The following TRIP11 variants were observed in gnomAD, a reference collection of about 807,000 sequenced individuals.
TRIP11 encodes the protein thyroid hormone receptor interactor 11.
A neutral mutation model predicts 223.1 loss-of-function variants in TRIP11; 148 were observed. The observed-to-expected ratio is 0.66, with a 90% CI of 0.58 to 0.76. The LOEUF (loss-of-function observed/expected upper bound fraction) is 0.76. TRIP11 is among the 30% of genes least tolerant of loss of function. The probability of loss-of-function intolerance (pLI) is 0.00; values close to 1 mark genes in which losing one functional copy is unlikely to be tolerated. For synonymous variants in TRIP11, 762 were observed against 772.6 expected, an observed-to-expected ratio of 0.99 and a Z score of 0.23; for missense variants, 2,043 against 2,222.0, an observed-to-expected ratio of 0.92 and a Z score of 1.62.
At position 91,974,694 on chromosome 14, in the gene TRIP11, A is replaced by G. The variant is rs748263000; in HGVS notation, c.5507T>C (p.Leu1836Pro). 8.7e-6 allele frequency: 14 copies of G among 1,613,068 alleles called. No individual in the cohort carries two copies. Among genetic ancestry groups the G allele is most frequent in the Non-Finnish European group, 1.1e-5 (13 of 1,179,938 alleles). ...GGGAACACTTTTTGATCCTCCTCCA[A>G]GCCACCCAGTCATCCACCTGGTAAC... ...GGVTRWMTGW[L>P]GGGSKSVPNT... is the part of the protein sequence containing the mutation. The change falls in exon 19 of 21, where the codon CTT (leucine) becomes CCT (proline). Residue 1836 changes from leucine (L) to proline (P), a missense_variant. Transcript: ENST00000267622.
Position 92,033,210 on chromosome 14 carries a change from A to G in TRIP11, c.183T>C (p.His61=), listed in dbSNP as rs138904373. 191 of 1,613,262 alleles carry G rather than the reference A, an allele frequency of 1.2e-4. No homozygotes were observed. Among genetic ancestry groups the G allele is most frequent in the Admixed American group, 4.8e-4 (29 of 59,996 alleles). The change falls in exon 2 of 21, where the codon CAT becomes CAC. Residue 61 remains histidine (H), a synonymous_variant. Transcript: ENST00000267622. The part of the protein sequence containing the change: ...DSRTKEIEAI[H]AILRSENERL... ...TTCTTACCTCTGATCTCAAGATTGC[A>G]TGAATGGCTTCAATTTCCTTTGTCC...
Position 91,976,912 on chromosome 14 carries a change from A to G in TRIP11, c.5261-723T>C, listed in dbSNP as rs146521669. 7.9e-5 allele frequency among the ~76,000 whole-genome samples: 12 copies of G among 152,364 alleles called. No individual in the cohort carries two copies. The East Asian group carries it at 2.3e-3, about 29-fold the overall frequency. On this transcript the variant is annotated intron_variant, in intron 16 of 20. Coordinates refer to ENST00000267622, the MANE Select transcript of TRIP11 (RefSeq NM_004239.4). ...ACAACAGGAGATACCCTGTTCCTAA[A>G]TTCAGCCATGCCACAGGGCAAGGAT...
At chr14:91,977,127 T>G in intron 16 of TRIP11, 1 of 403,232 alleles carries the variant, frequency 2.5e-6, no homozygotes, top group South Asian at 1.8e-5. Flanking sequence ...GCCACAAACC[T>G]TTTCCTTTGA....
In TRIP11 at chr14:92,031,320, T is replaced by C. The variant is rs2057262773; in HGVS notation, c.201+1872A>G. On this transcript the variant is annotated intron_variant, in intron 2 of 20. Transcript: ENST00000267622. ...TTTTAGTAGAGACAGGGTTTCACCA[T>C]GTTGACCAAGCTGACCTCAAGTGAT... Among the ~76,000 whole-genome samples, 6 of 152,004 alleles carry C rather than the reference T, an allele frequency of 3.9e-5. No homozygotes were observed. In the South Asian group the frequency reaches 1.2e-3, roughly 32 times the overall value.
At position 91,999,199 on chromosome 14, in the gene TRIP11, A is replaced by G. The variant is rs2056789062; in HGVS notation, c.4892+41T>C. On this transcript the variant is annotated intron_variant, in intron 13 of 20. Coordinates refer to ENST00000267622, the MANE Select transcript of TRIP11 (RefSeq NM_004239.4). ...TACTTACTGAGTCTGATATTTAAGA[A>G]GTGTTCAGTTAAAGTTAATGCAAAA... is the stretch of plus-strand genomic sequence containing the variant. 4 of 1,591,386 alleles carry G rather than the reference A, an allele frequency of 2.5e-6. No individual in the cohort carries two copies. In the Admixed American group the frequency reaches 5.0e-5, roughly 20 times the overall value.
intron 5 of TRIP11, among the ~76,000 whole-genome samples, chr14:92,017,328 G>A (rs1325864286): frequency 6.6e-6 from 1 of 152,140 alleles, no homozygotes; most frequent in Admixed American, 6.5e-5. Flanking sequence ...GATGGCTTGA[G>A]GCTAGAAGTT....
chr14:92,035,240 G>C (rs1298453285), intron 1 of TRIP11, among the ~76,000 whole-genome samples: 1 of 151,720 alleles, frequency 6.6e-6, no homozygotes, highest in African/African-American at 2.4e-5. Context: ...GAAATTGCTT[G>C]AACTGGGGAG....
At position 91,972,995 on chromosome 14, in the gene TRIP11, CA is replaced by C. The variant is rs2056418118; in HGVS notation, c.5575-135del. On this transcript the variant is annotated intron_variant, in intron 19 of 20. Transcript: ENST00000267622. ...ACTTGAATAATTTTTTTTTACAAAT[CA>C]GCTTTATGAACAATTGAAAATACTG... 46 of 749,536 alleles carry C rather than the reference CA, an allele frequency of 6.1e-5. No homozygotes were observed. The South Asian group carries it at 9.7e-4, about 16-fold the overall frequency. The allele number at this position is 749,536 out of a possible 1,614,324, so 46.4% of individuals were successfully genotyped here.
chr14:92,005,110 G>C lies in TRIP11; in HGVS notation c.2866C>G (p.Gln956Glu). ...QHEQMNATHT[Q>E]LFLEKDEEIK... ...TCCTCATCCTTCTCTAAAAAGAGCT[G>C]GGTGTGTGTGGCGTTCATTTGCTCA... Residue 956 changes from glutamine (Q) to glutamate (E), a missense_variant, in exon 11 of 21, where the codon CAG (glutamine) becomes GAG (glutamate). Physicochemically the swap from Gln to Glu is conservative, Grantham distance 29. Transcript: ENST00000267622. 6.2e-7 allele frequency: 1 copy of C among 1,613,584 alleles called. No homozygotes were observed. Among genetic ancestry groups the C allele is most frequent in the South Asian group, 1.1e-5 (1 of 91,082 alleles).
At chr14:91,991,541 A>G (rs2056672287) in intron 15 of TRIP11, among the ~76,000 whole-genome samples, 1 of 152,196 alleles carries the variant, frequency 6.6e-6, no homozygotes, top group Non-Finnish European at 1.5e-5. Context: ...CCACTTCAGA[A>G]AACAATTAAT....
chr14:92,019,986 CGGAT>C (rs1473249477), intron 4 of TRIP11, among the ~76,000 whole-genome samples: 1 of 152,038 alleles, frequency 6.6e-6, no homozygotes, highest in Non-Finnish European at 1.5e-5. Context: ...AAAATCTGGC[CGGAT>C]GAAGTGGCTC....
Position 92,003,873 on chromosome 14 carries a change from T to G in TRIP11, c.4103A>C (p.Glu1368Ala). 6.2e-7 allele frequency: 1 copy of G among 1,614,130 alleles called. No homozygotes were observed. Among genetic ancestry groups the G allele is most frequent in the Non-Finnish European group, 8.5e-7 (1 of 1,180,046 alleles). The change falls in exon 11 of 21, where the codon GAA (glutamate) becomes GCA (alanine). Residue 1368 changes from glutamate to alanine, a missense_variant. Physicochemically the swap from Glu to Ala is moderately radical, Grantham distance 107 (BLOSUM62 -1). Coordinates refer to ENST00000267622, the MANE Select transcript of TRIP11 (RefSeq NM_004239.4). ...CGAATCAGACAATCTGTGGTTATTT[T>G]CCTGGAGAGTTCTAATTGTTGCATC... ...EKDATIRTLQ[E>A]NNHRLSDSIA...
At chr14:92,010,809 T>TA (rs2056962653) in intron 9 of TRIP11, among the ~76,000 whole-genome samples, 177 bp downstream of exon 9, 2 of 151,944 alleles carry the variant, frequency 1.3e-5, no homozygotes, top group African/African-American at 4.8e-5. Context: ...GCCAGCCACT[T>TA]ATACTCTGAA....
rs1299494100 is a variant in TRIP11 at position 92,039,882 on chromosome 14, G to A, written c.-197C>T. The A allele has an allele frequency of 1.8e-5, 20 of 1,105,628 alleles. No individual in the cohort carries two copies. The Admixed American group carries it at 4.5e-4, about 25-fold the overall frequency. 68.5% of individuals were successfully genotyped at this position (1,105,628 alleles called of 1,614,324 possible). Reference sequence around the variant, plus strand: ...GGCCTGGCCTGGAATTTTACCAGGGGCCCGCCTCTAGTGACACAGTCACCT... The same window carrying A: ...GGCCTGGCCTGGAATTTTACCAGGGACCCGCCTCTAGTGACACAGTCACCT... On this transcript the variant is annotated 5_prime_UTR_variant, in exon 1 of 21. Coordinates refer to ENST00000267622, the MANE Select transcript of TRIP11 (RefSeq NM_004239.4).
intron 2 of TRIP11, among the ~76,000 whole-genome samples, chr14:92,029,413 A>G (rs1191732184): frequency 6.8e-6 from 1 of 146,816 alleles, no homozygotes; most frequent in Non-Finnish European, 1.5e-5. Context: ...CTCCTGCCTC[A>G]GCCTCCTGAA....
chr14:91,998,617 T>G (rs1357858200), intron 13 of TRIP11, among the ~76,000 whole-genome samples: 3 of 152,054 alleles, frequency 2.0e-5, no homozygotes, highest in Middle Eastern at 3.4e-3. Context: ...ACAAAAAGAT[T>G]ATCTCTGGGC....
At position 91,995,480 on chromosome 14, in the gene TRIP11, T is replaced by TC; in HGVS notation, c.4927dup (p.Glu1643GlyfsTer12). 1 of 1,614,158 alleles carries TC rather than the reference T, an allele frequency of 6.2e-7. No homozygotes were observed. The highest frequency in any genetic ancestry group is 1.3e-5 in the African/African-American group (1 of 75,046). ...TTGCTTGGAAACTACATTCAACTGT[T>TC]CTTGCAATGACTCTACCTGCACACT... On this transcript the variant is annotated frameshift_variant, in exon 14 of 21. Coordinates refer to ENST00000267622, the MANE Select transcript of TRIP11 (RefSeq NM_004239.4). LOFTEE classifies it high-confidence loss of function.
In TRIP11 at chr14:91,969,088, A is replaced by G. The variant is rs2056369264; in HGVS notation, c.*585T>C. 1 of 226,038 alleles carries G rather than the reference A, an allele frequency of 4.4e-6. No homozygotes were observed. The highest frequency in any genetic ancestry group is 2.2e-5 in the African/African-American group (1 of 44,826). 14.0% of individuals were successfully genotyped at this position (226,038 alleles called of 1,614,324 possible). A position where few individuals can be genotyped will look rare whatever the true frequency, so the allele number is the denominator to read the frequency against. ...TAGTGAGACCCCATCTCTATTTAAA[A>G]CAAACAAAAAAAGAATCTACACACA... On this transcript the variant is annotated 3_prime_UTR_variant, in exon 21 of 21. Transcript: ENST00000267622.
chr14:92,000,135 T>A, intron 11 of TRIP11, 27 bp from the exon 12 acceptor site: 1 of 1,612,822 alleles, frequency 6.2e-7, no homozygotes, highest in Non-Finnish European at 8.5e-7. Context: ...ATTTTAGCTT[T>A]AAAAAACACA....
Sources: allele counts gnomAD v4.1 joint callset (sites outside exome capture counted in the v4.1 genomes callset), GRCh38; gene constraint gnomAD v4.1.1; transcripts MANE v1.5; gene names NCBI Gene and HGNC (gene_info 2026-07-23, HGNC 2026-07-21).